TCF12: variants seen among roughly 807,000 people sequenced by gnomAD.
TCF12 encodes the protein transcription factor 12, also known as DNA-binding protein HTF4.
TCF12 carries 45 observed loss-of-function variants against 86.0 expected under a neutral mutation model. That is an observed-to-expected ratio of 0.52 (90% confidence interval 0.41 to 0.67). TCF12 has a LOEUF of 0.67. TCF12 is among the 30% of genes least tolerant of loss of function. The pLI is 0.00. For missense variants in TCF12, 881 were observed against 859.9 expected, an observed-to-expected ratio of 1.02 and a Z score of -0.31; for synonymous variants, 330 against 299.6, an observed-to-expected ratio of 1.10 and a Z score of -1.05.
chr15:57,131,921 G>A (rs1342578651), intron 5 of TCF12, among the ~76,000 whole-genome samples: 1 of 152,156 alleles, frequency 6.6e-6, no homozygotes, highest in South Asian at 2.1e-4. Context: ...AGTTAGGTAT[G>A]CATTTTAAAG....
At chr15:57,077,830 C>T (rs1464043007) in intron 4 of TCF12, among the ~76,000 whole-genome samples, 1 of 150,638 alleles carries the variant, frequency 6.6e-6, no homozygotes, top group African/African-American at 2.4e-5. Flanking sequence ...AGAAGTATTA[C>T]TTCTTCAAAT....
At chr15:57,091,457 A>T (rs2048988363) in intron 4 of TCF12, among the ~76,000 whole-genome samples, 1 of 152,170 alleles carries the variant, frequency 6.6e-6, no homozygotes, top group Non-Finnish European at 1.5e-5. Flanking sequence ...GTAATCTTAG[A>T]GGTAATTTTA....
At chr15:57,225,068 A>G (rs1412231245) in intron 8 of TCF12, among the ~76,000 whole-genome samples, 2 of 152,100 alleles carry the variant, frequency 1.3e-5, no homozygotes, top group African/African-American at 4.8e-5. Context: ...GAATTATTGA[A>G]TTAGACTATC....
chr15:57,171,805 G>GTC (rs2055523507), intron 6 of TCF12, among the ~76,000 whole-genome samples: 2 of 152,172 alleles, frequency 1.3e-5, no homozygotes, highest in South Asian at 4.1e-4. Flanking sequence ...AGAAGCCAGT[G>GTC]TCTTTATTAA....
chr15:57,075,802 CTT>C lies in TCF12; in HGVS notation c.222+11981_222+11982del, dbSNP rs1491125143. On this transcript the variant is annotated intron_variant, in intron 4 of 20. Transcript: ENST00000333725. ...TCTTTCTTTCTTTCTTTCTTTCTTT[CTT>C]TCTCTCTCTCTCTCTCTCTCTCTCT... 5.8e-3 allele frequency among the ~76,000 whole-genome samples: 421 copies of C among 72,504 alleles called. 3 individuals are homozygous for C. The highest frequency in any genetic ancestry group is 0.014 in the Middle Eastern group (2 of 140). The allele number at this position is 72,504 out of a possible 152,430, so 47.6% of individuals were successfully genotyped here.
intron 4 of TCF12, among the ~76,000 whole-genome samples, chr15:57,088,276 G>A (rs1039414237): frequency 2.6e-5 from 4 of 152,112 alleles, no homozygotes; most frequent in African/African-American, 7.2e-5. Context: ...TGTCAGCCCC[G>A]TGAGTGCTCT....
chr15:57,013,774 T>A (rs1397385012), intron 3 of TCF12, among the ~76,000 whole-genome samples: 1 of 152,238 alleles, frequency 6.6e-6, no homozygotes, highest in African/African-American at 2.4e-5. Flanking sequence ...TGTGCGTTTT[T>A]AAGTTAACAC....
chr15:57,222,108 A>G (rs1419220320), intron 8 of TCF12, among the ~76,000 whole-genome samples: 1 of 152,056 alleles, frequency 6.6e-6, no homozygotes, highest in Non-Finnish European at 1.5e-5. Context: ...ATATTTTGAA[A>G]TACTAATAAT....
chr15:56,927,526 G>A (rs887327778), intron 3 of TCF12, among the ~76,000 whole-genome samples: 2 of 152,072 alleles, frequency 1.3e-5, no homozygotes, highest in Admixed American at 1.3e-4. Flanking sequence ...GCTTAAAATA[G>A]TTGCATGCTC....
At chr15:57,110,437 C>T (rs1469182323) in intron 5 of TCF12, among the ~76,000 whole-genome samples, 1 of 152,128 alleles carries the variant, frequency 6.6e-6, no homozygotes, top group Non-Finnish European at 1.5e-5. Context: ...TAATGTGTAT[C>T]ACATTTTCAT....
Position 57,287,811 on chromosome 15 carries a change from C to G in TCF12, c.*1666C>G, listed in dbSNP as rs1336582026. The G allele has an allele frequency of 1.3e-5, 2 of 152,608 alleles. No individual in the cohort carries two copies. The highest frequency in any genetic ancestry group is 2.9e-5 in the Non-Finnish European group (2 of 68,030). The allele number at this position is 152,608 out of a possible 1,614,324, so 9.5% of individuals were successfully genotyped here. ...GTGAACTTAGTGGACTTTTTGGTTA[C>G]TTTAATTTGCATATATTCTCCAGTT... On this transcript the variant is annotated 3_prime_UTR_variant, in exon 21 of 21. Coordinates refer to ENST00000333725, the MANE Select transcript of TCF12 (RefSeq NM_207037.2).
At chr15:57,015,861 G>A (rs1025485964) in intron 3 of TCF12, among the ~76,000 whole-genome samples, 1 of 152,162 alleles carries the variant, frequency 6.6e-6, no homozygotes, top group Non-Finnish European at 1.5e-5. Context: ...TTTCCAGGGC[G>A]ATCTCATGAC....
intron 5 of TCF12, among the ~76,000 whole-genome samples, chr15:57,163,727 A>G (rs1385305672): frequency 6.6e-6 from 1 of 152,208 alleles, no homozygotes; most frequent in East Asian, 1.9e-4. Flanking sequence ...AATTAATTCA[A>G]TAAAACTAGT....
At chr15:57,062,295 G>T (rs1391601887) in intron 3 of TCF12, among the ~76,000 whole-genome samples, 2 of 151,982 alleles carry the variant, frequency 1.3e-5, no homozygotes, top group African/African-American at 4.8e-5. Flanking sequence ...CAAACTCATA[G>T]AATATCTCTT....
chr15:57,135,733 C>T (rs1273411876), intron 5 of TCF12, among the ~76,000 whole-genome samples: 2 of 152,090 alleles, frequency 1.3e-5, no homozygotes, highest in Admixed American at 1.3e-4. Context: ...AATAAAGTTG[C>T]TGACTGTTGG....
At chr15:56,921,443 A>T (rs2059788606) in intron 3 of TCF12, among the ~76,000 whole-genome samples, 1 of 152,026 alleles carries the variant, frequency 6.6e-6, no homozygotes, top group Non-Finnish European at 1.5e-5. Context: ...GTTAAAGTAG[A>T]TCTACACACT....
In TCF12 at chr15:57,263,162, G is replaced by C; in HGVS notation, c.1633G>C (p.Glu545Gln). Residue 545 changes from glutamate to glutamine, a missense_variant, in exon 18 of 21, where the codon GAA (glutamate) becomes CAA (glutamine). Glu to Gln is a conservative substitution (Grantham distance 29). Transcript: ENST00000333725. Reference sequence around the variant, plus strand: ...TGTTGTTACAACAGAAATCAAGACTGAAAACAAAGAAAAGGATGAAAACCT... The same window carrying C: ...TGTTGTTACAACAGAAATCAAGACTCAAAACAAAGAAAAGGATGAAAACCT... The part of the protein sequence containing the change: ...GTVVTTEIKT[E>Q]NKEKDENLHE... 2 of 1,613,144 alleles carry C rather than the reference G, an allele frequency of 1.2e-6. No individual in the cohort carries two copies. The highest frequency in any genetic ancestry group is 2.7e-5 in the African/African-American group (2 of 74,984).
intron 3 of TCF12, among the ~76,000 whole-genome samples, chr15:56,944,777 A>C (rs902078467): frequency 1.3e-5 from 2 of 152,178 alleles, no homozygotes; most frequent in Non-Finnish European, 2.9e-5. Flanking sequence ...ATAGTATGAG[A>C]AATAGAGAAA....
chr15:57,205,146 C>T (rs1466268070), intron 8 of TCF12, among the ~76,000 whole-genome samples: 1 of 151,956 alleles, frequency 6.6e-6, no homozygotes, highest in African/African-American at 2.4e-5. Context: ...AACCCCGCCT[C>T]TATAAAGAAA....
Sources: gnomAD v4.1 joint callset for allele counts (sites outside exome capture counted in the v4.1 genomes callset) on GRCh38, gnomAD v4.1.1 for gene constraint, MANE v1.5 for transcripts, NCBI Gene and HGNC (gene_info 2026-07-23, HGNC 2026-07-21) for gene names.